Variants in AATK observed in about 807,000 individuals in gnomAD.
AATK encodes serine/threonine-protein kinase LMTK1.
In AATK, 91 loss-of-function variants were observed where a neutral mutation model predicts 114.3. The observed-to-expected ratio is 0.80, with a 90% CI of 0.67 to 0.95. The LOEUF (loss-of-function observed/expected upper bound fraction) is 0.95. AATK is among the 40% of genes least tolerant of loss of function. The pLI is 0.00. For missense variants in AATK, 2,176 were observed against 1,965.2 expected (o/e 1.11, Z -2.03); for synonymous variants, 1,075 against 916.5 (o/e 1.17, Z -3.12).
chr17:81,151,316 C>A (rs59549421), intron 1 of AATK, among the ~76,000 whole-genome samples: 2 of 137,884 alleles, frequency 1.5e-5, no homozygotes, highest in Non-Finnish European at 3.1e-5. Context: ...CTGTCTCCCC[C>A]CTCACCCCTC....
Position 81,121,909 on chromosome 17 carries a change from C to A in AATK, c.2027G>T (p.Gly676Val). The change falls in exon 11 of 14, where the codon GGG becomes GTG. Residue 676 changes from glycine (G) to valine (V), a missense_variant. Physicochemically the swap from Gly to Val is moderately radical, Grantham distance 109. Coordinates refer to ENST00000326724, the MANE Select transcript of AATK (RefSeq NM_001080395.3). ...EVGARRAAQR[G>V]HWRSNVSANN... ...GGCTGACACGTTGGAGCGCCAGTGC[C>A]CGCGCTGGGCGGCCCTCCGCGCTCC... 1 of 1,600,668 alleles carries A rather than the reference C, an allele frequency of 6.2e-7. No homozygotes were observed. The highest frequency in any genetic ancestry group is 8.5e-7 in the Non-Finnish European group (1 of 1,178,842).
chr17:81,150,468 C>T (rs1349235396), intron 1 of AATK, among the ~76,000 whole-genome samples: 1 of 150,394 alleles, frequency 6.6e-6, no homozygotes, highest in African/African-American at 2.5e-5. Flanking sequence ...CAGCTCACTG[C>T]CCATTCCCCC....
chr17:81,130,137 G>A (rs901059341), intron 3 of AATK, among the ~76,000 whole-genome samples: 30 of 152,228 alleles, frequency 2.0e-4, no homozygotes, highest in Non-Finnish European at 3.8e-4. Flanking sequence ...GGCCTGCATG[G>A]CACCGCAGTA....
At position 81,134,518 on chromosome 17, in the gene AATK, T is replaced by A. The variant is rs11658145; in HGVS notation, c.56-17A>T. 13 of 1,605,760 alleles carry A rather than the reference T, an allele frequency of 8.1e-6. No individual in the cohort carries two copies. In the South Asian group the frequency reaches 1.4e-4, roughly 18 times the overall value. ...GGGCGCCGTCTGCGGGAGAGCAGTG[T>A]GGTGAGAGTGGCCATGGCTGAGGGC... is the stretch of plus-strand genomic sequence containing the variant. On this transcript the variant is annotated splice_polypyrimidine_tract_variant and intron_variant, in intron 1 of 13. Transcript: ENST00000326724.
At chr17:81,123,169 C>T (rs945324922) in intron 10 of AATK, 25 bp downstream of exon 10, 35 of 1,414,216 alleles carry the variant, frequency 2.5e-5, no homozygotes, top group African/African-American at 9.0e-5. Context: ...CCTGGCTGTC[C>T]GGGACAGGGC....
Position 81,120,093 on chromosome 17 carries a change from T to TA in AATK, c.3736-11_3736-10insT. 6.8e-7 allele frequency: 1 copy of TA among 1,463,336 alleles called. No individual in the cohort carries two copies. The highest frequency in any genetic ancestry group is 1.4e-5 in the South Asian group (1 of 73,756). The allele number at this position is 1,463,336 out of a possible 1,614,324, so 90.6% of individuals were successfully genotyped here. On this transcript the variant is annotated splice_polypyrimidine_tract_variant and intron_variant, in intron 11 of 13. Transcript: ENST00000326724. ...CCCGGGTGGGGCTTTCCTGGAGGAA[T>TA]CAGAGAGCACCAGGTAGCTCGGCCG... is the stretch of plus-strand genomic sequence containing the variant.
chr17:81,165,184 C>T (rs1284335126), intron 1 of AATK, among the ~76,000 whole-genome samples: 1 of 152,240 alleles, frequency 6.6e-6, no homozygotes, highest in Non-Finnish European at 1.5e-5. Context: ...TTAGAAAGCC[C>T]ACTGCTTCCT....
intron 13 of AATK, among the ~76,000 whole-genome samples, chr17:81,119,140 C>CCAGGTGAGGGT (rs1195809085): frequency 1.4e-3 from 185 of 130,608 alleles, no homozygotes; most frequent in African/African-American, 5.2e-3. Flanking sequence ...CAGGTGAGGG[C>CCAGGTGAGGGT]CAGGTGAGGG....
chr17:81,123,088 C>T, intron 10 of AATK, 106 bp downstream of exon 10: 1 of 1,274,814 alleles, frequency 7.8e-7, no homozygotes, highest in Non-Finnish European at 1.0e-6. Context: ...GAGGGGAGAC[C>T]AGGCAGGGCT....
At chr17:81,129,446 G>T (rs539799559) in intron 3 of AATK, among the ~76,000 whole-genome samples, 72 of 152,300 alleles carry the variant, frequency 4.7e-4, no homozygotes, top group African/African-American at 1.7e-3. Context: ...GGGCACTGCC[G>T]GAGGCAGCAG....
At chr17:81,127,211 G>A (rs1421052197) in intron 6 of AATK, among the ~76,000 whole-genome samples, 1 of 152,032 alleles carries the variant, frequency 6.6e-6, no homozygotes, top group African/African-American at 2.4e-5. Flanking sequence ...GCCAGGCCCA[G>A]CCCCCCATGG....
At position 81,127,680 on chromosome 17, in the gene AATK, T is replaced by C; in HGVS notation, c.534-10A>G. 6.4e-7 allele frequency: 1 copy of C among 1,569,772 alleles called. No individual in the cohort carries two copies. The highest frequency in any genetic ancestry group is 8.6e-7 in the Non-Finnish European group (1 of 1,158,478). On this transcript the variant is annotated splice_polypyrimidine_tract_variant and intron_variant, in intron 5 of 13. Transcript: ENST00000326724. Reference sequence around the variant, plus strand: ...GCTGTGCTTCAGGGCCCTGCGGGAGTGGACAGGCGGCCCCTGACTTGGGAG... The same window carrying C: ...GCTGTGCTTCAGGGCCCTGCGGGAGCGGACAGGCGGCCCCTGACTTGGGAG...
Position 81,123,290 on chromosome 17 carries a change from G to A in AATK, c.1016C>T (p.Pro339Leu), listed in dbSNP as rs1229662442. The A allele has an allele frequency of 2.1e-6, 3 of 1,404,888 alleles. No homozygotes were observed. Among genetic ancestry groups the A allele is most frequent in the South Asian group, 1.6e-5 (1 of 63,608 alleles). The allele number at this position is 1,404,888 out of a possible 1,614,324, so 87.0% of individuals were successfully genotyped here. The change falls in exon 10 of 14, where the codon CCC (proline) becomes CTC (leucine). Residue 339 changes from proline (P) to leucine (L), a missense_variant. Transcript: ENST00000326724. ...CAGCACCTGCTGGTCCGAGTGCTGG[G>A]GATAGGGCTGCGTGCCCAGCTCAAA... ...ELFELGTQPY[P>L]QHSDQQVLAY...
chr17:81,131,043 T>C lies in AATK; in HGVS notation c.334+18A>G, dbSNP rs772371183. 6.5e-7 allele frequency: 1 copy of C among 1,545,918 alleles called. No individual in the cohort carries two copies. Among genetic ancestry groups the C allele is most frequent in the Non-Finnish European group, 8.7e-7 (1 of 1,146,848 alleles). On this transcript the variant is annotated intron_variant, in intron 3 of 13. Coordinates refer to ENST00000326724, the MANE Select transcript of AATK (RefSeq NM_001080395.3). ...GGCCCCGGAGGGAGGCCACCCCATC[T>C]CCCCACCCAGCCCTCACCTGAGCGC...
intron 1 of AATK, among the ~76,000 whole-genome samples, chr17:81,136,438 T>C (rs1308337506): frequency 1.3e-5 from 2 of 151,926 alleles, no homozygotes; most frequent in Non-Finnish European, 2.9e-5. Context: ...TCCCCTCCCA[T>C]GGCCCCATCC....
intron 1 of AATK, among the ~76,000 whole-genome samples, chr17:81,144,369 G>C (rs759406673): frequency 2.0e-5 from 3 of 152,224 alleles, no homozygotes; most frequent in Non-Finnish European, 4.4e-5. Flanking sequence ...TGTGCTGGTC[G>C]GGTGTTCACA....
chr17:81,119,450 C>T lies in AATK; in HGVS notation c.4014G>A (p.Thr1338=), dbSNP rs777088584. The T allele has an allele frequency of 1.7e-5, 26 of 1,516,176 alleles. No homozygotes were observed. The highest frequency in any genetic ancestry group is 6.5e-5 in the Admixed American group (3 of 46,008). The allele number at this position is 1,516,176 out of a possible 1,614,324, so 93.9% of individuals were successfully genotyped here. The part of the protein sequence containing the change: ...TPTPAPFSRF[T]VSPAPTSRFS... ...AGCGGGACGTGGGCGCGGGCGACAC[C>T]GTGAAGCGCGAGAAGGGAGCGGGCG... The change falls in exon 13 of 14, where the codon ACG becomes ACA. Residue 1338 remains threonine, a synonymous_variant. Coordinates refer to ENST00000326724, the MANE Select transcript of AATK (RefSeq NM_001080395.3).
At chr17:81,132,472 T>TG (rs995362328) in intron 2 of AATK, among the ~76,000 whole-genome samples, 1 of 152,158 alleles carries the variant, frequency 6.6e-6, no homozygotes, top group African/African-American at 2.4e-5. Flanking sequence ...CACTCAGGGA[T>TG]GGGGGACGCA....
chr17:81,165,925 G>C lies in AATK; in HGVS notation c.55+13C>G. ...GAGGCAGCGGCGCGCAGGCCGGGCC[G>C]CCAGGGACTCACCGGGGTCGAAGTG... is the stretch of plus-strand genomic sequence containing the variant. On this transcript the variant is annotated intron_variant, in intron 1 of 13. Transcript: ENST00000326724. The C allele has an allele frequency of 1.9e-6, 3 of 1,574,726 alleles. No individual in the cohort carries two copies. The highest frequency in any genetic ancestry group is 2.6e-6 in the Non-Finnish European group (3 of 1,161,794).
Sources: allele counts gnomAD v4.1 joint callset (sites outside exome capture counted in the v4.1 genomes callset), GRCh38; gene constraint gnomAD v4.1.1; transcripts MANE v1.5; gene names NCBI Gene and HGNC (gene_info 2026-07-23, HGNC 2026-07-21).